Variants in LRRC27 observed in about 807,000 individuals in gnomAD.
LRRC27 encodes the protein leucine rich repeat containing 27, also known as leucine-rich repeat-containing protein 27.
LRRC27 carries 57 observed loss-of-function variants against 55.0 expected under a neutral mutation model. That is an observed-to-expected ratio of 1.04 (90% CI 0.84 to 1.29). LRRC27 has a LOEUF of 1.29. Ranked by LOEUF, LRRC27 falls within the 50% of genes most tolerant of loss-of-function variation. The pLI is 0.00. For missense variants in LRRC27, 721 were observed against 651.5 expected, an observed-to-expected ratio of 1.11 and a Z score of -1.16; for synonymous variants, 278 against 251.9, an observed-to-expected ratio of 1.10 and a Z score of -0.98.
chr10:132,334,399 TTGAC>T (rs2067015452), intron 2 of LRRC27, among the ~76,000 whole-genome samples: 1 of 152,180 alleles, frequency 6.6e-6, no homozygotes. Flanking sequence ...ATGATATTGA[TTGAC>T]TTTCTTTTTG....
chr10:132,342,706 A>G (rs1205595255), intron 4 of LRRC27, among the ~76,000 whole-genome samples: 1 of 152,234 alleles, frequency 6.6e-6, no homozygotes, highest in African/African-American at 2.4e-5. Flanking sequence ...GACAAATCAA[A>G]CAAGCGTAAA....
At chr10:132,351,160 G>A in intron 6 of LRRC27, 1 of 166,258 alleles carries the variant, frequency 6.0e-6, no homozygotes. Context: ...ATTCCGACCT[G>A]CTGCAGCACC....
chr10:132,335,518 T>C (rs999320228), intron 2 of LRRC27, among the ~76,000 whole-genome samples: 5 of 148,640 alleles, frequency 3.4e-5, no homozygotes, highest in Non-Finnish European at 7.4e-5. Flanking sequence ...TATTGGTTGT[T>C]GGGTAGGGGC....
At chr10:132,349,155 G>T in intron 6 of LRRC27, 1 of 863,688 alleles carries the variant, frequency 1.2e-6, no homozygotes, top group Non-Finnish European at 1.9e-6. Context: ...ATAACAATTG[G>T]TGAATCTAGA....
At chr10:132,373,607 A>G (rs1369909367) in intron 10 of LRRC27, among the ~76,000 whole-genome samples, 1 of 152,116 alleles carries the variant, frequency 6.6e-6, no homozygotes, top group Non-Finnish European at 1.5e-5. Flanking sequence ...ATACGCAAAG[A>G]CTCAAAATGC....
chr10:132,362,139 G>A (rs913663918), intron 9 of LRRC27, among the ~76,000 whole-genome samples: 6 of 152,204 alleles, frequency 3.9e-5, no homozygotes, highest in Admixed American at 1.3e-4. Context: ...AGCCAGAACC[G>A]AGAAGCTGTG....
chr10:132,334,476 G>C (rs1223782844), intron 2 of LRRC27, among the ~76,000 whole-genome samples: 1 of 152,182 alleles, frequency 6.6e-6, no homozygotes, highest in Non-Finnish European at 1.5e-5. Context: ...CCTGAGATCA[G>C]GTGATCTGCC....
chr10:132,349,146 T>C (rs1370259100), intron 6 of LRRC27: 2 of 904,984 alleles, frequency 2.2e-6, no homozygotes, highest in Non-Finnish European at 3.5e-6. Context: ...TGCTGCAAAA[T>C]AACAATTGGT....
chr10:132,360,087 G>A (rs2068541123), intron 8 of LRRC27, among the ~76,000 whole-genome samples: 1 of 152,002 alleles, frequency 6.6e-6, no homozygotes, highest in African/African-American at 2.4e-5. Context: ...GATTTTAAAA[G>A]AAAAAAACAC....
At position 132,348,462 on chromosome 10, in the gene LRRC27, C is replaced by T. The variant is rs1394437100; in HGVS notation, c.926+106C>T. ...GGTCCAGCTTTTAAAGTGTCCTCCA[C>T]GTTGCCACCGTTTACTGTGCAGTGA... On this transcript the variant is annotated intron_variant, in intron 6 of 10. Coordinates refer to ENST00000368614, the MANE Select transcript of LRRC27 (RefSeq NM_030626.3). The surrounding 1 kb of genome is among the most constrained non-coding windows in gnomAD (Gnocchi z 4.2). 1.3e-5 allele frequency: 19 copies of T among 1,446,156 alleles called. No homozygotes were observed. Among genetic ancestry groups the T allele is most frequent in the Non-Finnish European group, 1.5e-5 (16 of 1,067,198 alleles). 89.6% of individuals were successfully genotyped at this position (1,446,156 alleles called of 1,614,324 possible).
At chr10:132,338,710 CTT>C (rs928264937) in intron 3 of LRRC27, among the ~76,000 whole-genome samples, 11 of 139,980 alleles carry the variant, frequency 7.9e-5, no homozygotes, top group Admixed American at 2.2e-4. Context: ...TTCTTTCTTT[CTT>C]TTTTTTTTTT....
At chr10:132,370,142 C>T (rs912783905) in intron 10 of LRRC27, among the ~76,000 whole-genome samples, 2 of 152,230 alleles carry the variant, frequency 1.3e-5, no homozygotes, top group Non-Finnish European at 2.9e-5. Context: ...GGTCCAAATA[C>T]TGCACTGTCT....
chr10:132,370,110 G>A (rs537258836), intron 10 of LRRC27, among the ~76,000 whole-genome samples: 1 of 152,300 alleles, frequency 6.6e-6, no homozygotes, highest in Non-Finnish European at 1.5e-5. Flanking sequence ...TCCAACCTGG[G>A]TAGGTCTGAA....
At position 132,375,486 on chromosome 10, in the gene LRRC27, G is replaced by A; in HGVS notation, c.*244G>A. On this transcript the variant is annotated 3_prime_UTR_variant, in exon 11 of 11. Coordinates refer to ENST00000368614, the MANE Select transcript of LRRC27 (RefSeq NM_030626.3). ...CGTGGTCTCGCCTTCCCTTCTTCCTGCAGGTTCCCGCCAAGCCATGTGACA... is the reference window on the plus strand; with the variant it reads ...CGTGGTCTCGCCTTCCCTTCTTCCTACAGGTTCCCGCCAAGCCATGTGACA... 1 of 419,470 alleles carries A rather than the reference G, an allele frequency of 2.4e-6. No individual in the cohort carries two copies. Among genetic ancestry groups the A allele is most frequent in the Non-Finnish European group, 4.3e-6 (1 of 233,690 alleles). The allele number at this position is 419,470 out of a possible 1,614,324, so 26.0% of individuals were successfully genotyped here. A position where few individuals can be genotyped will look rare whatever the true frequency, so the allele number is the denominator to read the frequency against.
In LRRC27 at chr10:132,351,665, G is replaced by A. The variant is rs1397381561; in HGVS notation, c.985G>A (p.Ala329Thr). Residue 329 changes from alanine to threonine, a missense_variant, in exon 7 of 11, where the codon GCG becomes ACG. Coordinates refer to ENST00000368614, the MANE Select transcript of LRRC27 (RefSeq NM_030626.3). ...LPDLLSPYQM[A>T]IRAKRLEESR... ...CGACCTCTTGTCACCGTACCAAATG[G>A]CGATCCGAGCAAAAAGACTGGAAGA... The A allele has an allele frequency of 1.2e-6, 2 of 1,614,102 alleles. No individual in the cohort carries two copies. The highest frequency in any genetic ancestry group is 3.3e-5 in the Admixed American group (2 of 60,022).
At chr10:132,347,885 A>C in intron 5 of LRRC27, 99 bp from the exon 6 acceptor site, 41 of 1,435,536 alleles carry the variant, frequency 2.9e-5, no homozygotes, top group Non-Finnish European at 3.4e-5. Context: ...GGATCTGGGC[A>C]CCCCACCCCC....
intron 4 of LRRC27, among the ~76,000 whole-genome samples, chr10:132,343,443 T>G (rs1210478391): frequency 1.3e-5 from 2 of 152,176 alleles, no homozygotes; most frequent in African/African-American, 4.8e-5. Flanking sequence ...GAATAGCAAA[T>G]TTACACTTCA....
Position 132,374,923 on chromosome 10 carries a change from C to T in LRRC27, c.1417-143C>T. The stretch of plus-strand genomic sequence containing the variant: ...CAGGGGGGACCGCGCCGTGATGCGG[C>T]TTGCAGGGGCCCCGGGGCAGCGGGG... On this transcript the variant is annotated intron_variant, in intron 10 of 10. Transcript: ENST00000368614. This position sits in a 1 kb window ranked among gnomAD's most constrained non-coding sequence, Gnocchi z 4.4. The T allele has an allele frequency of 1.2e-6, 1 of 851,692 alleles. No homozygotes were observed. Among genetic ancestry groups the T allele is most frequent in the Non-Finnish European group, 1.8e-6 (1 of 558,618 alleles). 52.8% of individuals were successfully genotyped at this position (851,692 alleles called of 1,614,324 possible). A position where few individuals can be genotyped will look rare whatever the true frequency, so the allele number is the denominator to read the frequency against.
rs552973224 is a variant in LRRC27, at chr10:132,374,913, C to G, written c.1417-153C>G. Among the ~76,000 whole-genome samples the G allele has an allele frequency of 6.6e-6, 1 of 152,154 alleles. No homozygotes were observed. The highest frequency in any genetic ancestry group is 2.4e-5 in the African/African-American group (1 of 41,436). On this transcript the variant is annotated intron_variant, in intron 10 of 10. Coordinates refer to ENST00000368614, the MANE Select transcript of LRRC27 (RefSeq NM_030626.3). This position sits in a 1 kb window ranked among gnomAD's most constrained non-coding sequence, Gnocchi z 4.4. ...GGCCCCATTGCAGGGGGGACCGCGC[C>G]GTGATGCGGCTTGCAGGGGCCCCGG...
Sources: gnomAD v4.1 joint callset for allele counts (sites outside exome capture counted in the v4.1 genomes callset) on GRCh38, gnomAD v4.1.1 for gene constraint, Gnocchi (gnomAD v3.1) non-coding constraint, MANE v1.5 for transcripts, NCBI Gene and HGNC (gene_info 2026-07-23, HGNC 2026-07-21) for gene names.